Variants in WTAP observed in about 807,000 individuals in gnomAD.
WTAP encodes the protein pre-mRNA-splicing regulator WTAP.
A neutral mutation model predicts 50.0 loss-of-function variants in WTAP; 8 were observed. The observed-to-expected ratio is 0.16, with a 90% CI of 0.09 to 0.29. WTAP has a LOEUF of 0.29. Among genes scored for constraint, WTAP ranks in the 10% least tolerant of loss-of-function variants. The probability of loss-of-function intolerance (pLI) is 1.00; values close to 1 mark genes in which losing one functional copy is unlikely to be tolerated. For synonymous variants in WTAP, 194 were observed against 169.0 expected (o/e 1.15, Z -1.15); for missense variants, 295 against 470.7 (o/e 0.63, Z 3.45).
At chr6:159,728,284 T>G (rs545668821) in intron 1 of WTAP, among the ~76,000 whole-genome samples, 1 of 152,316 alleles carries the variant, frequency 6.6e-6, no homozygotes, top group African/African-American at 2.4e-5. Context: ...TTTTTCACCG[T>G]TTTTCATAAG....
intron 6 of WTAP, among the ~76,000 whole-genome samples, chr6:159,752,599 G>T (rs1220655519): frequency 6.6e-6 from 1 of 152,064 alleles, no homozygotes; most frequent in Non-Finnish European, 1.5e-5. Context: ...TGTGATACGT[G>T]ACCACTGGTC....
At chr6:159,727,316 C>T (rs11752345), upstream of WTAP, 265,718 of 1,278,968 alleles carry the variant, frequency 0.21, 29,335 homozygotes, top group Admixed American at 0.25. Flanking sequence ...GCGGCCACGC[C>T]TGAAAGGCGA....
In WTAP at chr6:159,733,484, T is replaced by G. The variant is rs538090047; in HGVS notation, c.-8-2774T>G. ...AAAATTACAAAAAATTAACTGGGTG[T>G]GGTGGCACATGCCTGTAGTCCCAGG... On this transcript the variant is annotated intron_variant, in intron 1 of 7. Coordinates refer to ENST00000621533, the MANE Select transcript of WTAP (RefSeq NM_001270531.2). Among the ~76,000 whole-genome samples the G allele has an allele frequency of 5.9e-5, 9 of 152,080 alleles. No individual in the cohort carries two copies. The South Asian group carries it at 1.9e-3, about 32-fold the overall frequency.
chr6:159,746,216 C>T (rs1562463275), intron 5 of WTAP, among the ~76,000 whole-genome samples: 1 of 152,102 alleles, frequency 6.6e-6, no homozygotes, highest in South Asian at 2.1e-4. Context: ...GAGGAACTGT[C>T]AAGTGGGAAG....
Position 159,755,535 on chromosome 6 carries a change from G to T in WTAP, c.1115G>T (p.Gly372Val), listed in dbSNP as rs1207598006. 1.2e-6 allele frequency: 2 copies of T among 1,614,038 alleles called. No homozygotes were observed. Among genetic ancestry groups the T allele is most frequent in the African/African-American group, 1.3e-5 (1 of 74,904 alleles). ...PQEEKAVSGK[G>V]NRTVGSRHVQ... is the part of the protein sequence containing the mutation. ...GAGGAGAAAGCAGTGAGTGGGAAAG[G>T]TAATCGAACTGTGGGTTCCCGCCAC... is the stretch of plus-strand genomic sequence containing the variant. The change falls in exon 8 of 8, where the codon GGT (glycine) becomes GTT (valine). Residue 372 changes from glycine to valine, a missense_variant. By Grantham distance (109) the Gly-to-Val change is moderately radical. This residue lies in a region of WTAP where 175 missense variants were observed against 183.1 expected (regional missense o/e 0.96). Transcript: ENST00000621533.
chr6:159,729,550 C>T (rs1054810430), intron 1 of WTAP, among the ~76,000 whole-genome samples: 1 of 150,042 alleles, frequency 6.7e-6, no homozygotes, highest in African/African-American at 2.5e-5. Flanking sequence ...CTTTTATGTT[C>T]ATATTATGTT....
chr6:159,737,214 A>G (rs1423700614), intron 2 of WTAP, among the ~76,000 whole-genome samples: 1 of 151,868 alleles, frequency 6.6e-6, no homozygotes, highest in Admixed American at 6.6e-5. Flanking sequence ...ACGCCCAGCT[A>G]ATTTTTGTAT....
chr6:159,740,800 C>T (rs982316985), intron 3 of WTAP, among the ~76,000 whole-genome samples: 1 of 151,396 alleles, frequency 6.6e-6, no homozygotes, highest in Non-Finnish European at 1.5e-5. Context: ...GCCTCCCGGT[C>T]AAGCGGTTCT....
chr6:159,733,437 C>A (rs557370153), intron 1 of WTAP, among the ~76,000 whole-genome samples: 216 of 145,928 alleles, frequency 1.5e-3, no homozygotes, highest in Admixed American at 2.3e-3. Context: ...GGCAGCATGG[C>A]GAAACCCTGT....
chr6:159,727,833 G>A (rs1778296843), intron 1 of WTAP, 130 bp downstream of exon 1: 1 of 647,714 alleles, frequency 1.5e-6, no homozygotes, highest in African/African-American at 2.0e-5. Flanking sequence ...TGCGGCACCG[G>A]TCTCTCGTGA....
At chr6:159,727,874 C>T (rs1019136635) in intron 1 of WTAP, among the ~76,000 whole-genome samples, 171 bp downstream of exon 1, 3 of 152,230 alleles carry the variant, frequency 2.0e-5, no homozygotes, top group African/African-American at 4.8e-5. Context: ...GCGGGGAACA[C>T]TTCCGCCGCT....
chr6:159,744,123 C>A (rs1348627262), intron 5 of WTAP, among the ~76,000 whole-genome samples: 2 of 152,154 alleles, frequency 1.3e-5, no homozygotes, highest in African/African-American at 4.8e-5. Flanking sequence ...GCTTTACTTT[C>A]ACTGATTAGG....
Position 159,748,042 on chromosome 6 carries a change from T to A in WTAP, c.274-149T>A, listed in dbSNP as rs995980292. 22 of 1,049,406 alleles carry A rather than the reference T, an allele frequency of 2.1e-5. No individual in the cohort carries two copies. The African/African-American group carries it at 3.4e-4, about 16-fold the overall frequency. The allele number at this position is 1,049,406 out of a possible 1,614,324, so 65.0% of individuals were successfully genotyped here. On this transcript the variant is annotated intron_variant, in intron 5 of 7. Coordinates refer to ENST00000621533, the MANE Select transcript of WTAP (RefSeq NM_001270531.2). This position sits in a 1 kb window ranked among gnomAD's most constrained non-coding sequence, Gnocchi z 5.6. Reference sequence around the variant, plus strand: ...TTAGTCTGTACTTTTTCTAGAAAGTTTTAAGATTTTTCTAGAGAATTTCAG... The same window carrying A: ...TTAGTCTGTACTTTTTCTAGAAAGTATTAAGATTTTTCTAGAGAATTTCAG...
In WTAP at chr6:159,748,354, A is replaced by G. The variant is rs1469102897; in HGVS notation, c.437A>G (p.Lys146Arg). Residue 146 changes from lysine to arginine, a missense_variant, in exon 6 of 8, where the codon AAG (lysine) becomes AGG (arginine). Coordinates refer to ENST00000621533, the MANE Select transcript of WTAP (RefSeq NM_001270531.2). The surrounding 1 kb of genome is among the most constrained non-coding windows in gnomAD (Gnocchi z 5.6). ...EQAQNELSAW[K>R]FTPDSQTGKK... ...GCCCAAAATGAACTGAGTGCCTGGA[A>G]GTTTACGCCTGATAGGTAAACAAAT... 6.2e-7 allele frequency: 1 copy of G among 1,613,554 alleles called. No individual in the cohort carries two copies. The highest frequency in any genetic ancestry group is 1.3e-5 in the African/African-American group (1 of 74,914).
At chr6:159,743,559 A>T in intron 4 of WTAP, 106 bp from the exon 5 acceptor site, 1 of 1,106,302 alleles carries the variant, frequency 9.0e-7, no homozygotes, top group Non-Finnish European at 1.2e-6. Flanking sequence ...TAGGATGGAA[A>T]CTAAAGACTT....
intron 1 of WTAP, among the ~76,000 whole-genome samples, chr6:159,734,815 T>C (rs950630318): frequency 3.3e-5 from 5 of 152,216 alleles, no homozygotes; most frequent in Non-Finnish European, 7.4e-5. Context: ...AAAGATTTTA[T>C]GTTTGTCAGG....
chr6:159,750,776 T>C (rs893711633), intron 6 of WTAP, among the ~76,000 whole-genome samples: 3 of 152,282 alleles, frequency 2.0e-5, no homozygotes, highest in African/African-American at 7.2e-5. Context: ...TAAAATTGGC[T>C]GTAAGCCAGA....
At position 159,748,899 on chromosome 6, in the gene WTAP, A is replaced by G; in HGVS notation, c.452+530A>G. 8.5e-7 allele frequency: 1 copy of G among 1,179,892 alleles called. No individual in the cohort carries two copies. Among genetic ancestry groups the G allele is most frequent in the Non-Finnish European group, 1.0e-6 (1 of 955,256 alleles). The allele number at this position is 1,179,892 out of a possible 1,614,324, so 73.1% of individuals were successfully genotyped here. On this transcript the variant is annotated intron_variant, in intron 6 of 7. Coordinates refer to ENST00000621533, the MANE Select transcript of WTAP (RefSeq NM_001270531.2). The surrounding 1 kb of genome is among the most constrained non-coding windows in gnomAD (Gnocchi z 5.6). ...TGCCAATAAGACTGTGGACTTCATG[A>G]TTGTTGTTGAACTTCTGGGTCAAAA... is the stretch of plus-strand genomic sequence containing the variant.
intron 1 of WTAP, among the ~76,000 whole-genome samples, chr6:159,735,231 C>T (rs1039646315): frequency 6.6e-6 from 1 of 152,114 alleles, no homozygotes; most frequent in African/African-American, 2.4e-5. Flanking sequence ...ACCTCCGCCT[C>T]CCAGGTTCAG....
Sources: allele counts gnomAD v4.1 joint callset (sites outside exome capture counted in the v4.1 genomes callset), GRCh38; gene constraint gnomAD v4.1.1; regional missense constraint gnomAD v4.1.1; non-coding constraint Gnocchi (gnomAD v3.1); transcripts MANE v1.5; gene names NCBI Gene and HGNC (gene_info 2026-07-23, HGNC 2026-07-21).